The following TBPL1 variants were observed in gnomAD, a reference collection of about 807,000 sequenced individuals.
TBPL1 encodes the protein TATA-box binding protein like 1.
In TBPL1, 4 loss-of-function variants were observed where a neutral mutation model predicts 22.1. The observed-to-expected ratio is 0.18, with a 90% confidence interval of 0.09 to 0.41. The LOEUF is 0.41. TBPL1 is among the 10% of genes least tolerant of loss of function. TBPL1 has a pLI of 1.00. For missense variants in TBPL1, 115 were observed against 222.3 expected, an observed-to-expected ratio of 0.52 and a Z score of 3.07; for synonymous variants, 64 against 71.0, an observed-to-expected ratio of 0.90 and a Z score of 0.50.
chr6:133,970,157 A>G (rs1372472405), intron 1 of TBPL1, among the ~76,000 whole-genome samples: 1 of 152,192 alleles, frequency 6.6e-6, no homozygotes, highest in Non-Finnish European at 1.5e-5. Flanking sequence ...TGTGACCTCA[A>G]TTGACTCTGT....
chr6:133,952,446 C>G (rs1014973357), upstream of TBPL1: 2 of 152,580 alleles, frequency 1.3e-5, no homozygotes, highest in Non-Finnish European at 2.9e-5. The surrounding 1 kb of genome is among the most constrained non-coding windows in gnomAD (Gnocchi z 4.5). Flanking sequence ...GGGACAGTCC[C>G]GACCGCAAAC....
intron 2 of TBPL1, among the ~76,000 whole-genome samples, chr6:133,981,772 CT>C (rs202075819): frequency 1.3e-5 from 2 of 152,266 alleles, no homozygotes; most frequent in Non-Finnish European, 2.9e-5. Flanking sequence ...GCATTTATGT[CT>C]TTCTTACATA....
intron 1 of TBPL1, among the ~76,000 whole-genome samples, chr6:133,955,678 G>A (rs1583804803): frequency 6.6e-6 from 1 of 152,172 alleles, no homozygotes; most frequent in Admixed American, 6.5e-5. Flanking sequence ...AATGAAAGAC[G>A]TTAGAAGTCC....
chr6:133,963,185 C>T (rs902411880), intron 1 of TBPL1, among the ~76,000 whole-genome samples: 1 of 152,152 alleles, frequency 6.6e-6, no homozygotes, highest in Admixed American at 6.5e-5. Flanking sequence ...TCTTGATGTT[C>T]TCTGAAAAAC....
At chr6:133,967,195 A>G (rs896688049) in intron 1 of TBPL1, among the ~76,000 whole-genome samples, 4 of 152,130 alleles carry the variant, frequency 2.6e-5, no homozygotes, top group Non-Finnish European at 4.4e-5. Context: ...CCTATCCCCT[A>G]GTATGGGTCT....
At position 133,987,621 on chromosome 6, in the gene TBPL1, A is replaced by G. The variant is rs1776551887; in HGVS notation, c.*581A>G. 1 of 121,968 alleles carries G rather than the reference A, an allele frequency of 8.2e-6. No homozygotes were observed. The highest frequency in any genetic ancestry group is 1.8e-5 in the Non-Finnish European group (1 of 56,144). 7.6% of individuals were successfully genotyped at this position (121,968 alleles called of 1,614,324 possible). A position where few individuals can be genotyped will look rare whatever the true frequency, so the allele number is the denominator to read the frequency against. On this transcript the variant is annotated 3_prime_UTR_variant, in exon 7 of 7. Coordinates refer to ENST00000237264, the MANE Select transcript of TBPL1 (RefSeq NM_004865.4). ...GTGTGTTGGCTTCTTTTTGAAGTGTATTTTGTGTGTGTGTGTGTGTGTGTG... is the reference window on the plus strand; with the variant it reads ...GTGTGTTGGCTTCTTTTTGAAGTGTGTTTTGTGTGTGTGTGTGTGTGTGTG...
intron 1 of TBPL1, among the ~76,000 whole-genome samples, chr6:133,978,796 T>C (rs1776358947): frequency 6.6e-6 from 1 of 152,194 alleles, no homozygotes; most frequent in Admixed American, 6.5e-5. Flanking sequence ...AGACCTTCTT[T>C]ATTTAGACTC....
rs1305923289 is a variant in TBPL1 at position 133,989,720 on chromosome 6, T to C, written c.*2680T>C. 6.6e-6 allele frequency: 1 copy of C among 152,116 alleles called. No individual in the cohort carries two copies. The highest frequency in any genetic ancestry group is 1.5e-5 in the Non-Finnish European group (1 of 68,010). 9.4% of individuals were successfully genotyped at this position (152,116 alleles called of 1,614,324 possible). Reference sequence around the variant, plus strand: ...GATATAGTTTTACTACTTACATAGGTTTATAGTCTCTCCACATTGTTATAA... The same window carrying C: ...GATATAGTTTTACTACTTACATAGGCTTATAGTCTCTCCACATTGTTATAA... On this transcript the variant is annotated 3_prime_UTR_variant, in exon 7 of 7. Transcript: ENST00000237264.
intron 1 of TBPL1, among the ~76,000 whole-genome samples, chr6:133,966,058 A>G (rs1776112345): frequency 6.6e-6 from 1 of 152,194 alleles, no homozygotes. Flanking sequence ...GAGCTCTTCA[A>G]CTTCAGAGAC....
At chr6:133,964,743 C>T (rs1290489650) in intron 1 of TBPL1, among the ~76,000 whole-genome samples, 8 of 152,200 alleles carry the variant, frequency 5.3e-5, no homozygotes, top group Admixed American at 4.6e-4. Context: ...CCACCATGCC[C>T]GGCCGAACTC....
chr6:133,963,802 G>A (rs1488111703), intron 1 of TBPL1, among the ~76,000 whole-genome samples: 3 of 151,986 alleles, frequency 2.0e-5, no homozygotes, highest in Admixed American at 6.5e-5. Context: ...AGGCTGAGGC[G>A]GGCGGATCAC....
At chr6:133,986,431 C>T (rs1472496131) in intron 6 of TBPL1, among the ~76,000 whole-genome samples, 5 of 152,096 alleles carry the variant, frequency 3.3e-5, no homozygotes, top group South Asian at 4.1e-4. Context: ...GACTTGTATA[C>T]GCTCTGAGGG....
At chr6:133,970,528 G>A (rs1273998802) in intron 1 of TBPL1, among the ~76,000 whole-genome samples, 1 of 151,944 alleles carries the variant, frequency 6.6e-6, no homozygotes, top group Non-Finnish European at 1.5e-5. Flanking sequence ...AAATTATTAT[G>A]GAAACTTTTA....
intron 1 of TBPL1, among the ~76,000 whole-genome samples, chr6:133,971,727 G>A (rs1166970864): frequency 6.6e-6 from 1 of 152,070 alleles, no homozygotes; most frequent in Non-Finnish European, 1.5e-5. Flanking sequence ...CCATTGGTAT[G>A]TCTTCTTTTG....
chr6:133,984,972 A>G (rs1483571265), intron 6 of TBPL1, among the ~76,000 whole-genome samples: 1 of 151,836 alleles, frequency 6.6e-6, no homozygotes, highest in Non-Finnish European at 1.5e-5. Context: ...AGTAGTTTCC[A>G]GTTGGAGCTT....
intron 1 of TBPL1, among the ~76,000 whole-genome samples, chr6:133,960,239 C>A (rs2114326138): frequency 6.6e-6 from 1 of 152,272 alleles, no homozygotes; most frequent in East Asian, 1.9e-4. Context: ...TTCATTAGAC[C>A]TTCCTCAACA....
chr6:133,967,173 C>T (rs1375199405), intron 1 of TBPL1, among the ~76,000 whole-genome samples: 1 of 152,170 alleles, frequency 6.6e-6, no homozygotes, highest in Non-Finnish European at 1.5e-5. Flanking sequence ...CGAGTCTGTT[C>T]ACTACCAGGT....
rs1776565602 is a variant in TBPL1 at position 133,988,192 on chromosome 6, A to G, written c.*1152A>G. On this transcript the variant is annotated 3_prime_UTR_variant, in exon 7 of 7. Coordinates refer to ENST00000237264, the MANE Select transcript of TBPL1 (RefSeq NM_004865.4). ...CCTTCCCCTTGCTGTATCTTATTTA[A>G]TGGAGTTAAAGAGTGACTATTCAGT... 6.6e-6 allele frequency: 1 copy of G among 152,178 alleles called. No homozygotes were observed. Among genetic ancestry groups the G allele is most frequent in the Non-Finnish European group, 1.5e-5 (1 of 68,010 alleles). The allele number at this position is 152,178 out of a possible 1,614,324, so 9.4% of individuals were successfully genotyped here. A position where few individuals can be genotyped will look rare whatever the true frequency, so the allele number is the denominator to read the frequency against.
intron 1 of TBPL1, among the ~76,000 whole-genome samples, chr6:133,975,269 A>G (rs1436951308): frequency 6.6e-6 from 1 of 152,146 alleles, no homozygotes; most frequent in African/African-American, 2.4e-5. Flanking sequence ...GATTATTAAG[A>G]CAACCATGAA....
Sources: allele counts gnomAD v4.1 joint callset (sites outside exome capture counted in the v4.1 genomes callset), GRCh38; gene constraint gnomAD v4.1.1; non-coding constraint Gnocchi (gnomAD v3.1); transcripts MANE v1.5; gene names NCBI Gene and HGNC (gene_info 2026-07-23, HGNC 2026-07-21).